Variants in ACTR3 observed in about 807,000 individuals in gnomAD.
ACTR3 encodes the protein actin related protein 3, also known as actin-related protein 3.
ACTR3 carries 12 observed loss-of-function variants against 56.8 expected under a neutral mutation model. That is an observed-to-expected ratio of 0.21 (90% confidence interval 0.14 to 0.34). The LOEUF (loss-of-function observed/expected upper bound fraction) is 0.34. Among genes scored for constraint, ACTR3 ranks in the 10% least tolerant of loss-of-function variants. ACTR3 has a pLI of 1.00. For missense variants in ACTR3, 282 were observed against 512.5 expected (o/e 0.55, Z 4.34); for synonymous variants, 162 against 167.4 (o/e 0.97, Z 0.25).
At chr2:113,890,433 G>C in intron 1 of ACTR3, 110 bp downstream of exon 1, 1 of 1,347,922 alleles carries the variant, frequency 7.4e-7, no homozygotes. Context: ...GCCGCCGGCT[G>C]TCAGTCCTAG....
At chr2:113,893,508 G>A (rs1678946663) in intron 1 of ACTR3, among the ~76,000 whole-genome samples, 1 of 152,072 alleles carries the variant, frequency 6.6e-6, no homozygotes, top group South Asian at 2.1e-4. Flanking sequence ...TGACCAGGAT[G>A]GTCTCCATCT....
chr2:113,890,575 C>G, intron 1 of ACTR3: 1 of 1,364,974 alleles, frequency 7.3e-7, no homozygotes, highest in Non-Finnish European at 9.4e-7. Flanking sequence ...TTTCTCCGCG[C>G]GACCCCTCCC....
chr2:113,915,570 AT>A (rs1387805797), intron 2 of ACTR3, among the ~76,000 whole-genome samples: 1 of 152,184 alleles, frequency 6.6e-6, no homozygotes, highest in African/African-American at 2.4e-5. Flanking sequence ...TTTGTGTATA[AT>A]CTTTTGTTGT....
At chr2:113,902,182 G>A (rs1324032384) in intron 1 of ACTR3, among the ~76,000 whole-genome samples, 2 of 151,974 alleles carry the variant, frequency 1.3e-5, no homozygotes, top group Non-Finnish European at 2.9e-5. Context: ...TGACAGACTC[G>A]CCTTTTTTTT....
chr2:113,921,125 A>G (rs1188738465), intron 3 of ACTR3, among the ~76,000 whole-genome samples: 2 of 151,952 alleles, frequency 1.3e-5, no homozygotes, highest in African/African-American at 4.8e-5. Context: ...CCTTGCCAGC[A>G]TTTGTGATTT....
rs745475954 is a variant in ACTR3, at chr2:113,957,319, G to GAAAAA, written c.1162-40_1162-39insAAAAA. 7.0e-6 allele frequency: 10 copies of GAAAAA among 1,435,610 alleles called. No individual in the cohort carries two copies. The South Asian group carries it at 1.2e-4, about 17-fold the overall frequency. 88.9% of individuals were successfully genotyped at this position (1,435,610 alleles called of 1,614,324 possible). On this transcript the variant is annotated intron_variant, in intron 11 of 11. Coordinates refer to ENST00000263238, the MANE Select transcript of ACTR3 (RefSeq NM_005721.5). ...ATTTCAATATACCTTCAAGATGGTA[G>GAAAAA]ATTTTTGACCCTTATAAAAATACAT...
At chr2:113,891,258 G>GT (rs1243224539) in intron 1 of ACTR3, among the ~76,000 whole-genome samples, 1 of 152,172 alleles carries the variant, frequency 6.6e-6, no homozygotes, top group African/African-American at 2.4e-5. Context: ...ACTAATTTAA[G>GT]TTGTATTCGT....
chr2:113,896,653 T>C (rs1428528033), intron 1 of ACTR3, among the ~76,000 whole-genome samples: 1 of 152,238 alleles, frequency 6.6e-6, no homozygotes, highest in Non-Finnish European at 1.5e-5. Flanking sequence ...ATTTGTTAAC[T>C]GAAGCTAATA....
In ACTR3 at chr2:113,961,540, G is replaced by A. The variant is rs1043465609; in HGVS notation, c.*4085G>A. The A allele has an allele frequency of 6.6e-6, 1 of 151,950 alleles. No individual in the cohort carries two copies. The highest frequency in any genetic ancestry group is 1.5e-5 in the Non-Finnish European group (1 of 67,888). The allele number at this position is 151,950 out of a possible 1,614,324, so 9.4% of individuals were successfully genotyped here. On this transcript the variant is annotated 3_prime_UTR_variant, in exon 12 of 12. Coordinates refer to ENST00000263238, the MANE Select transcript of ACTR3 (RefSeq NM_005721.5). ...ACTTTTATAATTACATTAAAACTAA[G>A]ATGCTGAATTAAAATAAAGTTTCTC...
intron 5 of ACTR3, among the ~76,000 whole-genome samples, chr2:113,932,624 A>G (rs1679743608): frequency 6.6e-6 from 1 of 152,192 alleles, no homozygotes; most frequent in African/African-American, 2.4e-5. Context: ...GTGCTGATAC[A>G]TATCTATTCT....
intron 3 of ACTR3, among the ~76,000 whole-genome samples, chr2:113,922,693 G>A (rs1377590250): frequency 6.6e-6 from 1 of 152,198 alleles, no homozygotes; most frequent in African/African-American, 2.4e-5. Flanking sequence ...TCTGGATATA[G>A]GCAAGTTTAT....
chr2:113,924,549 T>C (rs1679580915), intron 3 of ACTR3, among the ~76,000 whole-genome samples: 1 of 152,186 alleles, frequency 6.6e-6, no homozygotes, highest in Non-Finnish European at 1.5e-5. Flanking sequence ...CTTAAAAATT[T>C]CTCTGCTGTT....
chr2:113,907,069 C>T lies in ACTR3; in HGVS notation c.45-6103C>T, dbSNP rs1447505578. Among the ~76,000 whole-genome samples the T allele has an allele frequency of 1.3e-5, 2 of 152,020 alleles. 1 individual carries two copies. The highest frequency in any genetic ancestry group is 4.8e-5 in the African/African-American group (2 of 41,376). On this transcript the variant is annotated intron_variant, in intron 1 of 11. Transcript: ENST00000263238. Reference sequence around the variant, plus strand: ...TCAGATATGAAAGTTTGTCCCAAGTCTGAATTCTGTACTAAATGCAATTAT... The same window carrying T: ...TCAGATATGAAAGTTTGTCCCAAGTTTGAATTCTGTACTAAATGCAATTAT...
At chr2:113,930,165 T>C (rs1429361406) in intron 4 of ACTR3, among the ~76,000 whole-genome samples, 1 of 152,182 alleles carries the variant, frequency 6.6e-6, no homozygotes, top group African/African-American at 2.4e-5. Flanking sequence ...TTTTTTTTCT[T>C]GGAGTTTATA....
At chr2:113,916,010 T>C (rs1263361294) in intron 2 of ACTR3, among the ~76,000 whole-genome samples, 1 of 152,228 alleles carries the variant, frequency 6.6e-6, no homozygotes, top group African/African-American at 2.4e-5. Context: ...AGGAAATTTA[T>C]AGTGAGCCAC....
chr2:113,928,389 A>AC (rs1285062606), intron 4 of ACTR3, among the ~76,000 whole-genome samples: 2 of 152,148 alleles, frequency 1.3e-5, no homozygotes, highest in African/African-American at 2.4e-5. Flanking sequence ...GAGTCATTTG[A>AC]CCCCTAAATA....
chr2:113,891,528 T>C (rs1482152521), intron 1 of ACTR3, among the ~76,000 whole-genome samples: 3 of 152,082 alleles, frequency 2.0e-5, no homozygotes, highest in Middle Eastern at 3.4e-3. Context: ...GGTTTTTTTT[T>C]CTGTGCTGAT....
chr2:113,945,856 TA>T (rs1680011527), intron 8 of ACTR3, among the ~76,000 whole-genome samples: 1 of 152,192 alleles, frequency 6.6e-6, no homozygotes, highest in African/African-American at 2.4e-5. Context: ...CATGTTTACT[TA>T]TCATTTAGCT....
At chr2:113,903,563 G>A (rs551527602) in intron 1 of ACTR3, among the ~76,000 whole-genome samples, 152 of 148,212 alleles carry the variant, frequency 1.0e-3, no homozygotes, top group Non-Finnish European at 1.7e-3. Context: ...TTGAGACGGA[G>A]TCTCGCTCCG....
Sources: gnomAD v4.1 joint callset for allele counts (sites outside exome capture counted in the v4.1 genomes callset) on GRCh38, gnomAD v4.1.1 for gene constraint, MANE v1.5 for transcripts, NCBI Gene and HGNC (gene_info 2026-07-23, HGNC 2026-07-21) for gene names.